Variants in PCDHGA7 observed in about 807,000 individuals in gnomAD.
PCDHGA7 encodes the protein protocadherin gamma subfamily A, 7, also known as protocadherin gamma-A7.
Under a neutral mutation model 58.3 loss-of-function variants are expected in PCDHGA7, and 44 were observed. That is an observed-to-expected ratio of 0.75 (90% confidence interval 0.59 to 0.97). The LOEUF is 0.97. Among genes scored for constraint, PCDHGA7 ranks in the 50% least tolerant of loss-of-function variants. The pLI is 0.00. For synonymous variants in PCDHGA7, 516 were observed against 504.2 expected, an observed-to-expected ratio of 1.02 and a Z score of -0.31; for missense variants, 1,266 against 1,188.7, an observed-to-expected ratio of 1.06 and a Z score of -0.96.
rs1448535123 is a variant in PCDHGA7, at chr5:141,385,030, C to T, written c.2131C>T (p.Leu711=). The T allele has an allele frequency of 6.2e-7, 1 of 1,614,070 alleles. No homozygotes were observed. The highest frequency in any genetic ancestry group is 8.5e-7 in the Non-Finnish European group (1 of 1,180,052). ...CGTCTTCCTAGCCTTCGTCCTCGTA[C>T]TGCTGGCGCTCAGGCTGCGGCGCTG... ...SCVFLAFVLV[L]LALRLRRWHK... Residue 711 remains leucine (L), a synonymous_variant, in exon 1 of 4, where the codon CTG becomes TTG. Coordinates refer to ENST00000518325, the MANE Select transcript of PCDHGA7 (RefSeq NM_018920.4).
At position 141,491,127 on chromosome 5, in the gene PCDHGA7, C is replaced by T. The variant is rs2099708654; in HGVS notation, c.2425-3680C>T. On this transcript the variant is annotated intron_variant, in intron 1 of 3. Transcript: ENST00000518325. This position sits in a 1 kb window ranked among gnomAD's most constrained non-coding sequence, Gnocchi z 6.9. ...TGTCTACACACACTGGTGAGGTGCGCACAGCCCGGGCCTTACTGGAGGATG... is the reference window on the plus strand; with the variant it reads ...TGTCTACACACACTGGTGAGGTGCGTACAGCCCGGGCCTTACTGGAGGATG... 1 of 1,614,076 alleles carries T rather than the reference C, an allele frequency of 6.2e-7. No individual in the cohort carries two copies. The highest frequency in any genetic ancestry group is 1.3e-5 in the African/African-American group (1 of 74,942).
intron 1 of PCDHGA7, chr5:141,421,239 G>A (rs773410079): frequency 6.3e-7 from 1 of 1,599,000 alleles, no homozygotes; most frequent in South Asian, 1.1e-5. Context: ...TGGCGAATCG[G>A]CTACAGCGCG....
intron 1 of PCDHGA7, chr5:141,441,868 C>A: frequency 3.0e-6 from 1 of 338,212 alleles, no homozygotes; most frequent in Non-Finnish European, 5.8e-6. Flanking sequence ...CGCCGCGGAG[C>A]CTGGCTACCT....
intron 1 of PCDHGA7, chr5:141,400,006 G>T (rs758879836): frequency 1.9e-5 from 30 of 1,612,536 alleles, no homozygotes; most frequent in Non-Finnish European, 2.5e-5. Flanking sequence ...CACAGCGCGT[G>T]CCTTGGGCGA....
rs1363008017 is a variant in PCDHGA7, at chr5:141,413,215, T to A, written c.2424+27892T>A. ...GAATCGCTCAAAGGAATCAAAGGATTGCAGCGGGCTGGTCCTGCTCTGCCT... is the reference window on the plus strand; with the variant it reads ...GAATCGCTCAAAGGAATCAAAGGATAGCAGCGGGCTGGTCCTGCTCTGCCT... On this transcript the variant is annotated intron_variant, in intron 1 of 3. Coordinates refer to ENST00000518325, the MANE Select transcript of PCDHGA7 (RefSeq NM_018920.4). 6 of 1,613,232 alleles carry A rather than the reference T, an allele frequency of 3.7e-6. No individual in the cohort carries two copies. The African/African-American group carries it at 8.0e-5, about 22-fold the overall frequency.
At chr5:141,399,376 AC>A (rs1398817003) in intron 1 of PCDHGA7, 1 of 1,613,956 alleles carries the variant, frequency 6.2e-7, no homozygotes, top group Non-Finnish European at 8.5e-7. Flanking sequence ...GTACAATGTC[AC>A]CATCACAGCC....
intron 1 of PCDHGA7, chr5:141,400,190 T>C: frequency 1.2e-6 from 2 of 1,614,016 alleles, no homozygotes; most frequent in Non-Finnish European, 1.7e-6. Context: ...CAGTTTTACC[T>C]AGTGGTGGCC....
Position 141,487,767 on chromosome 5 carries a change from T to G in PCDHGA7, c.2425-7040T>G, listed in dbSNP as rs2099665569. The G allele has an allele frequency of 5.2e-6, 8 of 1,538,298 alleles. No homozygotes were observed. The African/African-American group carries it at 9.6e-5, about 18-fold the overall frequency. On this transcript the variant is annotated intron_variant, in intron 1 of 3. Transcript: ENST00000518325. This position sits in a 1 kb window ranked among gnomAD's most constrained non-coding sequence, Gnocchi z 5.0. ...GGTAACTATGTGGTAGACGCTGTGC[T>G]TTGTAACTGTTTCGTGAATTAACCA... is the stretch of plus-strand genomic sequence containing the variant.
In PCDHGA7 at chr5:141,477,868, C is replaced by A; in HGVS notation, c.2425-16939C>A. The A allele has an allele frequency of 6.2e-7, 1 of 1,613,750 alleles. No homozygotes were observed. Among genetic ancestry groups the A allele is most frequent in the Non-Finnish European group, 8.5e-7 (1 of 1,179,908 alleles). ...CGGTGGAGATGCTGCCTCGAGGTAC[C>A]TCAGCTGGCCACCTAGTGTCACGGG... On this transcript the variant is annotated intron_variant, in intron 1 of 3. Coordinates refer to ENST00000518325, the MANE Select transcript of PCDHGA7 (RefSeq NM_018920.4). The surrounding 1 kb of genome is among the most constrained non-coding windows in gnomAD (Gnocchi z 4.9).
rs1168649993 is a variant in PCDHGA7, at chr5:141,432,243, C to G, written c.2424+46920C>G. On this transcript the variant is annotated intron_variant, in intron 1 of 3. Transcript: ENST00000518325. The surrounding 1 kb of genome is among the most constrained non-coding windows in gnomAD (Gnocchi z 6.0). ...ATCACTTATTCCCTGGCTGAGAACA[C>G]CATCCAAGGGGCAAGCCTATCGTCC... 1 of 1,614,244 alleles carries G rather than the reference C, an allele frequency of 6.2e-7. No individual in the cohort carries two copies. Among genetic ancestry groups the G allele is most frequent in the Non-Finnish European group, 8.5e-7 (1 of 1,180,050 alleles).
At position 141,383,294 on chromosome 5, in the gene PCDHGA7, G is replaced by C; in HGVS notation, c.395G>C (p.Arg132Thr). The C allele has an allele frequency of 6.2e-7, 1 of 1,613,938 alleles. No homozygotes were observed. The highest frequency in any genetic ancestry group is 8.5e-7 in the Non-Finnish European group (1 of 1,179,894). ...EIIDINDNVP[R>T]FLTEEINVKI... ...ATAGATATTAATGACAACGTTCCAAGATTCTTGACGGAAGAAATAAATGTA... is the reference window on the plus strand; with the variant it reads ...ATAGATATTAATGACAACGTTCCAACATTCTTGACGGAAGAAATAAATGTA... The change falls in exon 1 of 4, where the codon AGA becomes ACA. Residue 132 changes from arginine to threonine, a missense_variant. Transcript: ENST00000518325.
intron 1 of PCDHGA7, among the ~76,000 whole-genome samples, chr5:141,492,824 C>T (rs1027583244): frequency 4.6e-5 from 7 of 152,236 alleles, no homozygotes. Context: ...ACCAGCGGCC[C>T]CTTCCTCCCG....
rs560733170 is a variant in PCDHGA7, at chr5:141,503,895, A to G, written c.2484-1498A>G. ...TTGTGCTCACCCACCATGACAAAATATGCACACACACAACGCAACACACAC... is the reference window on the plus strand; with the variant it reads ...TTGTGCTCACCCACCATGACAAAATGTGCACACACACAACGCAACACACAC... On this transcript the variant is annotated intron_variant, in intron 2 of 3. Transcript: ENST00000518325. Among the ~76,000 whole-genome samples, 12 of 152,302 alleles carry G rather than the reference A, an allele frequency of 7.9e-5. No individual in the cohort carries two copies. The South Asian group carries it at 2.1e-3, about 26-fold the overall frequency.
intron 1 of PCDHGA7, chr5:141,417,979 G>C (rs2096202372): frequency 6.2e-7 from 1 of 1,613,752 alleles, no homozygotes; most frequent in Admixed American, 1.7e-5. Context: ...TTCCGGAGGA[G>C]CTGGCCAAGG....
chr5:141,398,831 C>G (rs1488126013), intron 1 of PCDHGA7: 13 of 1,614,014 alleles, frequency 8.1e-6, no homozygotes, highest in Non-Finnish European at 1.1e-5. Context: ...GTAACCGACG[C>G]CAATGATAAT....
At chr5:141,466,004 C>T (rs1336655723) in intron 1 of PCDHGA7, among the ~76,000 whole-genome samples, 1 of 151,920 alleles carries the variant, frequency 6.6e-6, no homozygotes, top group Non-Finnish European at 1.5e-5. Flanking sequence ...CACCTGTAGT[C>T]CCAGCTACTC....
chr5:141,410,215 A>G (rs2095369286), intron 1 of PCDHGA7: 11 of 1,613,894 alleles, frequency 6.8e-6, no homozygotes, highest in Non-Finnish European at 8.5e-6. Flanking sequence ...TGCAAGAGAT[A>G]CTGCCAGACC....
At chr5:141,430,573 A>T (rs938248057) in intron 1 of PCDHGA7, 2 of 449,056 alleles carry the variant, frequency 4.5e-6, no homozygotes, top group Non-Finnish European at 7.6e-6. Flanking sequence ...AGAAAAGCGG[A>T]GATCCTGCTC....
At chr5:141,417,958 C>T (rs1255501304) in intron 1 of PCDHGA7, 3 of 1,613,720 alleles carry the variant, frequency 1.9e-6, no homozygotes, top group South Asian at 2.2e-5. Context: ...GTGAGCCGAT[C>T]CGCTACTCGA....
Sources: gnomAD v4.1 joint callset for allele counts (sites outside exome capture counted in the v4.1 genomes callset) on GRCh38, gnomAD v4.1.1 for gene constraint, Gnocchi (gnomAD v3.1) non-coding constraint, MANE v1.5 for transcripts, NCBI Gene and HGNC (gene_info 2026-07-23, HGNC 2026-07-21) for gene names.